Variants in LRRC7 observed in about 807,000 individuals in gnomAD.
LRRC7 encodes the protein leucine-rich repeat-containing protein 7.
A neutral mutation model predicts 175.7 loss-of-function variants in LRRC7; 23 were observed. The ratio of observed to expected loss-of-function variants is 0.13; its 90% CI spans 0.09 to 0.19. The LOEUF is 0.19. Ranked by LOEUF, LRRC7 falls within the 10% of genes least tolerant of loss-of-function variation. The pLI, the probability that LRRC7 is intolerant of heterozygous loss-of-function variation, is 1.00. For synonymous variants in LRRC7, 685 were observed against 680.9 expected (o/e 1.01, Z -0.09); for missense variants, 1,354 against 1,904.7 (o/e 0.71, Z 5.38).
At chr1:69,981,422 T>G (rs1343847175) in intron 9 of LRRC7, among the ~76,000 whole-genome samples, 1 of 151,996 alleles carries the variant, frequency 6.6e-6, no homozygotes, top group Non-Finnish European at 1.5e-5. Flanking sequence ...TATGGAAAAA[T>G]AATTAATGCT....
At chr1:69,944,815 T>A (rs1027531902) in intron 8 of LRRC7, among the ~76,000 whole-genome samples, 1 of 151,936 alleles carries the variant, frequency 6.6e-6, no homozygotes, top group Non-Finnish European at 1.5e-5. Flanking sequence ...TGTCTTTTTT[T>A]AAGAAATGAC....
chr1:69,666,957 T>G (rs559080824), intron 1 of LRRC7, among the ~76,000 whole-genome samples: 1 of 152,220 alleles, frequency 6.6e-6, no homozygotes, highest in South Asian at 2.1e-4. Flanking sequence ...ATAAACTTCC[T>G]TCTTGGTACT....
chr1:70,002,974 G>A (rs1286214449), intron 11 of LRRC7, among the ~76,000 whole-genome samples: 1 of 152,080 alleles, frequency 6.6e-6, no homozygotes, highest in Non-Finnish European at 1.5e-5. Flanking sequence ...GTCTGCTCCG[G>A]CTAACATAAC....
intron 2 of LRRC7, among the ~76,000 whole-genome samples, chr1:69,732,249 T>C (rs1011675095): frequency 2.0e-5 from 3 of 151,938 alleles, no homozygotes; most frequent in Non-Finnish European, 4.4e-5. Flanking sequence ...AAGGAAATAC[T>C]TAATACTAGG....
intron 1 of LRRC7, among the ~76,000 whole-genome samples, chr1:69,631,213 T>C (rs1177964540): frequency 6.6e-6 from 1 of 152,178 alleles, no homozygotes; most frequent in Non-Finnish European, 1.5e-5. Context: ...TGGATTTCTG[T>C]CTTCACTGGT....
intron 7 of LRRC7, among the ~76,000 whole-genome samples, chr1:69,866,189 G>T (rs539388243): frequency 6.6e-6 from 1 of 152,280 alleles, no homozygotes; most frequent in East Asian, 1.9e-4. Flanking sequence ...TGTCTATTTT[G>T]AAATCACTGC....
chr1:69,978,766 C>T (rs1653095737), intron 8 of LRRC7, among the ~76,000 whole-genome samples: 1 of 152,162 alleles, frequency 6.6e-6, no homozygotes, highest in Non-Finnish European at 1.5e-5. Flanking sequence ...CCTCCAATGA[C>T]CTACAATTAC....
intron 24 of LRRC7, among the ~76,000 whole-genome samples, chr1:70,078,810 GCACACACACACACGCACACACACACACA>G (rs1662990036): frequency 1.4e-5 from 2 of 141,212 alleles, no homozygotes; most frequent in Admixed American, 7.0e-5. Context: ...GCGCGCGCGC[GCACACACACACACGCACACACACACACA>G]CACACACACA....
chr1:69,671,882 G>A (rs571600530), intron 1 of LRRC7, among the ~76,000 whole-genome samples: 1 of 152,222 alleles, frequency 6.6e-6, no homozygotes, highest in South Asian at 2.1e-4. Context: ...CTGGGGGATG[G>A]GGCAGAGTAA....
At chr1:70,075,715 A>AC (rs1404898937) in intron 23 of LRRC7, among the ~76,000 whole-genome samples, 1 of 152,200 alleles carries the variant, frequency 6.6e-6, no homozygotes, top group Non-Finnish European at 1.5e-5. Flanking sequence ...ATCTCTCTGT[A>AC]ACTCTCTGGT....
chr1:69,745,735 G>A (rs944534590), intron 2 of LRRC7, among the ~76,000 whole-genome samples: 1 of 151,720 alleles, frequency 6.6e-6, no homozygotes, highest in African/African-American at 2.4e-5. Context: ...ATGTGTGTGT[G>A]TTTGTGTATG....
At chr1:69,596,518 AATAGTATCCACG>A (rs1487124787) in intron 1 of LRRC7, among the ~76,000 whole-genome samples, 1 of 152,232 alleles carries the variant, frequency 6.6e-6, no homozygotes, top group Non-Finnish European at 1.5e-5. Context: ...TGATGTAAAC[AATAGTATCCACG>A]GAAGTGTCGC....
At chr1:69,721,866 A>C (rs1386311069) in intron 2 of LRRC7, among the ~76,000 whole-genome samples, 2 of 151,948 alleles carry the variant, frequency 1.3e-5, no homozygotes, top group African/African-American at 4.8e-5. Flanking sequence ...GAAAATATAC[A>C]TAAAATACAA....
At chr1:69,669,284 CTTTG>C (rs1423937496) in intron 1 of LRRC7, among the ~76,000 whole-genome samples, 1 of 152,050 alleles carries the variant, frequency 6.6e-6, no homozygotes, top group Non-Finnish European at 1.5e-5. Context: ...ATCCTTCAGC[CTTTG>C]TTTGTCTGGG....
intron 7 of LRRC7, among the ~76,000 whole-genome samples, chr1:69,902,872 C>T (rs1646176946): frequency 6.6e-6 from 1 of 152,130 alleles, no homozygotes; most frequent in Non-Finnish European, 1.5e-5. Context: ...AGAAATAATG[C>T]AATTAGACTT....
intron 2 of LRRC7, among the ~76,000 whole-genome samples, chr1:69,696,603 CA>C (rs140630618): frequency 0.035 from 5,384 of 152,184 alleles, 133 homozygotes; most frequent in Admixed American, 0.063. Context: ...TTCTCCCCTC[CA>C]AATCTCATGT....
chr1:69,799,636 A>T (rs1169336002), intron 4 of LRRC7, among the ~76,000 whole-genome samples: 1 of 152,046 alleles, frequency 6.6e-6, no homozygotes, highest in Non-Finnish European at 1.5e-5. Context: ...GGTTGATTTC[A>T]AATTTTGCTA....
intron 4 of LRRC7, among the ~76,000 whole-genome samples, chr1:69,814,061 T>C (rs185775217): frequency 6.6e-6 from 1 of 152,260 alleles, no homozygotes; most frequent in East Asian, 1.9e-4. Context: ...CTTTATAAAT[T>C]GAAAACAGTT....
At position 70,125,011 on chromosome 1, in the gene LRRC7, C is replaced by A. The variant is rs1032474246; in HGVS notation, c.*3124C>A. Among the ~76,000 whole-genome samples the A allele has an allele frequency of 1.3e-5, 2 of 152,202 alleles. No individual in the cohort carries two copies. Among genetic ancestry groups the A allele is most frequent in the African/African-American group, 4.8e-5 (2 of 41,456 alleles). On this transcript the variant is annotated 3_prime_UTR_variant, in exon 27 of 27. Transcript: ENST00000651989. The stretch of plus-strand genomic sequence containing the variant: ...AGTGGACAATTTTTAAAACTATTTA[C>A]AAGGCTCATAATATTTTGTCATTAA...
Sources: allele counts gnomAD v4.1 joint callset (sites outside exome capture counted in the v4.1 genomes callset), GRCh38; gene constraint gnomAD v4.1.1; transcripts MANE v1.5; gene names NCBI Gene and HGNC (gene_info 2026-07-23, HGNC 2026-07-21).